The following DMD variants were observed in gnomAD, a reference collection of about 807,000 sequenced individuals.
DMD encodes mutant dystrophin.
In DMD, 63 loss-of-function variants were observed where a neutral mutation model predicts 330.1. The ratio of observed to expected loss-of-function variants is 0.19; its 90% CI spans 0.16 to 0.24. The LOEUF (loss-of-function observed/expected upper bound fraction) is 0.24. Ranked by LOEUF, DMD falls within the 10% of genes least tolerant of loss-of-function variation. The probability of loss-of-function intolerance (pLI) is 1.00; values close to 1 mark genes in which losing one functional copy is unlikely to be tolerated. For missense variants in DMD, 3,344 were observed against 2,684.1 expected (o/e 1.25, Z -5.43); for synonymous variants, 1,223 against 959.8 (o/e 1.27, Z -5.07).
At chrX:31,909,049 A>G (rs761085181) in intron 47 of DMD, among the ~76,000 whole-genome samples, 1 of 112,607 alleles carries the variant, frequency 8.9e-6, no homozygotes, top group Non-Finnish European at 1.9e-5. Flanking sequence ...TATTGTTGTA[A>G]TGTCAAAATT....
At chrX:33,256,685 T>C (rs2052861787) in intron 1 of DMD, among the ~76,000 whole-genome samples, 1 of 110,445 alleles carries the variant, frequency 9.1e-6, no homozygotes, top group African/African-American at 3.3e-5. Context: ...TAAATTCTCA[T>C]TTTTTGTTTC....
chrX:32,165,278 C>T (rs1023365858), intron 44 of DMD, among the ~76,000 whole-genome samples: 3 of 112,542 alleles, frequency 2.7e-5, no homozygotes, highest in Non-Finnish European at 5.6e-5. Context: ...AGGAGAGGGG[C>T]TCTACCCTGC....
chrX:31,415,548 C>T (rs768714732), intron 60 of DMD, among the ~76,000 whole-genome samples: 5 of 111,941 alleles, frequency 4.5e-5, no homozygotes, highest in Non-Finnish European at 9.4e-5. Context: ...ATTTCATTTG[C>T]TTCTAATCAA....
intron 27 of DMD, among the ~76,000 whole-genome samples, chrX:32,445,534 T>C (rs1369214808): frequency 9.0e-6 from 1 of 110,760 alleles, no homozygotes; most frequent in Admixed American, 9.6e-5. Flanking sequence ...TAAGTTATGA[T>C]ATTTAAATTT....
intron 37 of DMD, among the ~76,000 whole-genome samples, chrX:32,358,392 G>C (rs964167062): frequency 1.8e-5 from 2 of 111,431 alleles, no homozygotes; most frequent in East Asian, 5.6e-4. Context: ...AACAGAGACA[G>C]TTGAGACAAG....
At chrX:31,482,565 A>G (rs931259494) in intron 57 of DMD, among the ~76,000 whole-genome samples, 1 of 111,153 alleles carries the variant, frequency 9.0e-6, no homozygotes. Context: ...TGAAACACAG[A>G]AGTAAAGTAA....
rs773939250 is a variant in DMD, at chrX:31,289,251, C to CAAAAAAAAAAAAAAAAAAAA, written c.9225-28236_9225-28235insTTTTTTTTTTTTTTTTTTTT. ...CTGCACTCCAGCCTGGGTGACAGAG[C>CAAAAAAAAAAAAAAAAAAAA]AAAAAAAAAAAAAATAAAAAATAAA... On this transcript the variant is annotated intron_variant, in intron 62 of 78. Coordinates refer to ENST00000357033, the MANE Select transcript of DMD (RefSeq NM_004006.3). Among the ~76,000 whole-genome samples, 32 of 23,549 alleles carry CAAAAAAAAAAAAAAAAAAAA rather than the reference C, an allele frequency of 1.4e-3. 2 individuals are homozygous for CAAAAAAAAAAAAAAAAAAAA. Among genetic ancestry groups the CAAAAAAAAAAAAAAAAAAAA allele is most frequent in the Non-Finnish European group, 2.1e-3 (26 of 12,666 alleles). 20.4% of individuals were successfully genotyped at this position (23,549 alleles called of 115,157 possible).
chrX:33,033,554 C>CAAAAAAAAAAAAAAAAAA (rs775790760), intron 1 of DMD, among the ~76,000 whole-genome samples: 129 of 74,455 alleles, frequency 1.7e-3, no homozygotes, highest in Non-Finnish European at 2.4e-3. Flanking sequence ...ACTAAAAATA[C>CAAAAAAAAAAAAAAAAAA]AAAAAAAAAA....
chrX:33,292,531 C>T (rs1339464778), intron 1 of DMD, among the ~76,000 whole-genome samples: 2 of 109,997 alleles, frequency 1.8e-5, no homozygotes, highest in Admixed American at 9.8e-5. Flanking sequence ...CGATGGGGTG[C>T]GGATTTCCTA....
At chrX:31,499,184 T>C (rs947135914) in intron 56 of DMD, among the ~76,000 whole-genome samples, 31 of 111,220 alleles carry the variant, frequency 2.8e-4, no homozygotes, top group Non-Finnish European at 4.7e-4. Flanking sequence ...TGCCCCTAAG[T>C]CTCTAGGATA....
intron 44 of DMD, among the ~76,000 whole-genome samples, chrX:32,171,695 AAT>A (rs993876504): frequency 2.0e-4 from 22 of 111,895 alleles, no homozygotes; most frequent in African/African-American, 7.1e-4. Context: ...AATCATATTC[AAT>A]AGTTATTATA....
intron 1 of DMD, among the ~76,000 whole-genome samples, chrX:33,048,694 TAAAAAA>T (rs748856962): frequency 3.4e-4 from 12 of 35,619 alleles, no homozygotes; most frequent in East Asian, 1.5e-3. Flanking sequence ...ACTCCCCATC[TAAAAAA>T]AAAAAAAAAA....
intron 3 of DMD, among the ~76,000 whole-genome samples, 193 bp from the exon 4 acceptor site, chrX:32,845,053 C>A (rs1310801983): frequency 8.9e-6 from 1 of 111,929 alleles, no homozygotes; most frequent in Non-Finnish European, 1.9e-5. Context: ...ATAAACCAAC[C>A]ACTCTAAGAA....
intron 43 of DMD, among the ~76,000 whole-genome samples, chrX:32,252,962 ATATG>A (rs1261987468): frequency 2.2e-5 from 2 of 91,977 alleles, no homozygotes; most frequent in Non-Finnish European, 4.1e-5. Flanking sequence ...ATAAATATAT[ATATG>A]TTTGTGTGTG....
At chrX:32,013,156 G>T (rs1200862580) in intron 44 of DMD, among the ~76,000 whole-genome samples, 2 of 95,104 alleles carry the variant, frequency 2.1e-5, no homozygotes, top group Non-Finnish European at 4.1e-5. Flanking sequence ...GCCAGATCTT[G>T]GCTCACTGCA....
At chrX:32,684,054 C>A (rs920897315) in intron 9 of DMD, among the ~76,000 whole-genome samples, 1 of 105,509 alleles carries the variant, frequency 9.5e-6, no homozygotes, top group African/African-American at 3.6e-5. Context: ...CACACACACA[C>A]AGTGTGTATA....
chrX:31,869,232 C>T (rs1339324593), intron 48 of DMD, among the ~76,000 whole-genome samples: 1 of 110,747 alleles, frequency 9.0e-6, no homozygotes, highest in Non-Finnish European at 1.9e-5. Flanking sequence ...TTTGCTACCC[C>T]TATATAAATA....
At chrX:32,972,327 A>G (rs2092411601) in intron 2 of DMD, among the ~76,000 whole-genome samples, 1 of 107,064 alleles carries the variant, frequency 9.3e-6, no homozygotes, top group East Asian at 3.0e-4. Flanking sequence ...ACAGGCATGC[A>G]CCACGACGCT....
chrX:31,628,449 A>C (rs1319311080), intron 54 of DMD, among the ~76,000 whole-genome samples: 3 of 111,801 alleles, frequency 2.7e-5, no homozygotes, highest in African/African-American at 9.7e-5. Flanking sequence ...AGAAAGACTT[A>C]ACAAGTAAAG....
Sources: gnomAD v4.1 joint callset for allele counts (sites outside exome capture counted in the v4.1 genomes callset) on GRCh38, gnomAD v4.1.1 for gene constraint, MANE v1.5 for transcripts, NCBI Gene and HGNC (gene_info 2026-07-23, HGNC 2026-07-21) for gene names.